DBF4: variants seen among roughly 807,000 people sequenced by gnomAD.
DBF4 encodes protein DBF4 homolog A.
Under a neutral mutation model 76.6 loss-of-function variants are expected in DBF4, and 25 were observed. The observed-to-expected ratio is 0.33, with a 90% confidence interval of 0.24 to 0.46. The LOEUF is 0.46. Ranked by LOEUF, DBF4 falls within the 20% of genes least tolerant of loss-of-function variation. The probability of loss-of-function intolerance (pLI) is 1.00; values close to 1 mark genes in which losing one functional copy is unlikely to be tolerated. For synonymous variants in DBF4, 213 were observed against 258.0 expected (o/e 0.83, Z 1.67); for missense variants, 638 against 760.8 (o/e 0.84, Z 1.90).
At chr7:87,900,185 A>G (rs1452050248) in intron 8 of DBF4, 36 bp from the exon 9 acceptor site, 2 of 1,517,952 alleles carry the variant, frequency 1.3e-6, no homozygotes, top group East Asian at 4.6e-5. Flanking sequence ...CTTTAATCAT[A>G]AAGAATCTCA....
At chr7:87,900,142 T>C (rs1422299437) in intron 8 of DBF4, 79 bp from the exon 9 acceptor site, 3 of 1,212,242 alleles carry the variant, frequency 2.5e-6, no homozygotes, top group Non-Finnish European at 3.5e-6. Flanking sequence ...CTTAATTATA[T>C]GATTTTGAAA....
In DBF4 at chr7:87,904,321, TG is replaced by T; in HGVS notation, c.955del (p.Ala319HisfsTer16). The T allele has an allele frequency of 6.2e-7, 1 of 1,612,730 alleles. No individual in the cohort carries two copies. Among genetic ancestry groups the T allele is most frequent in the Non-Finnish European group, 8.5e-7 (1 of 1,179,658 alleles). On this transcript the variant is annotated frameshift_variant, in exon 11 of 12. Transcript: ENST00000265728. LOFTEE classifies it high-confidence loss of function. The stretch of plus-strand genomic sequence containing the variant: ...TTCTAAGTGAGCAACACAGAAACTT[TG>T]CACAGAGTAACCAGTATCAAGTTGT... Reference protein sequence around the residue: ...HLLSEQHRNFAQSNQYQVVDD... With the variant: ...HLLSEQHRNFXQSNQYQVVDD...
At chr7:87,896,108 T>C (rs1584365802) in intron 6 of DBF4, 1 of 214,026 alleles carries the variant, frequency 4.7e-6, no homozygotes, top group Non-Finnish European at 9.2e-6. Flanking sequence ...CTTTAACATA[T>C]TGAATCTTTG....
Position 87,877,650 on chromosome 7 carries a change from CAG to C in DBF4, c.47-400_47-399del, listed in dbSNP as rs983432834. On this transcript the variant is annotated intron_variant, in intron 1 of 11. Coordinates refer to ENST00000265728, the MANE Select transcript of DBF4 (RefSeq NM_006716.4). ...TTGAGGACTAGGTTATTCTGCGTAACAGAGGATTCTTTCATCGCTAAATGAAG... is the reference window on the plus strand; with the variant it reads ...TTGAGGACTAGGTTATTCTGCGTAACAGGATTCTTTCATCGCTAAATGAAG... 9.2e-5 allele frequency among the ~76,000 whole-genome samples: 14 copies of C among 152,332 alleles called. 1 individual carries two copies. Among genetic ancestry groups the C allele is most frequent in the African/African-American group, 3.1e-4 (13 of 41,568 alleles).
chr7:87,879,966 A>G (rs1026561576), intron 2 of DBF4, among the ~76,000 whole-genome samples: 1 of 151,896 alleles, frequency 6.6e-6, no homozygotes, highest in African/African-American at 2.4e-5. Context: ...AAAAAAAAAA[A>G]AGGTAGCTCA....
At chr7:87,877,696 A>G (rs923037556) in intron 1 of DBF4, among the ~76,000 whole-genome samples, 11 of 152,226 alleles carry the variant, frequency 7.2e-5, no homozygotes, top group Non-Finnish European at 1.6e-4. Context: ...CCAGTTTTGA[A>G]TGTTCAGCAG....
chr7:87,895,854 G>T (rs1839623838), intron 6 of DBF4, among the ~76,000 whole-genome samples: 1 of 152,174 alleles, frequency 6.6e-6, no homozygotes, highest in Non-Finnish European at 1.5e-5. Context: ...TGGGAGAAAA[G>T]AAAATAATAC....
At chr7:87,878,275 CT>C in intron 2 of DBF4, 50 bp downstream of exon 2, 1 of 1,397,348 alleles carries the variant, frequency 7.2e-7, no homozygotes, top group East Asian at 2.4e-5. Context: ...GTAACTAGTA[CT>C]TTCTACTGTG....
intron 6 of DBF4, among the ~76,000 whole-genome samples, chr7:87,889,277 A>ATTT (rs35766740): frequency 2.1e-5 from 3 of 139,752 alleles, no homozygotes; most frequent in African/African-American, 5.3e-5. Context: ...CTCTTGAACA[A>ATTT]TTTTTTTTTT....
Position 87,876,607 on chromosome 7 carries a change from A to T in DBF4, c.-126A>T. The T allele has an allele frequency of 1.9e-6, 2 of 1,070,660 alleles. No individual in the cohort carries two copies. The highest frequency in any genetic ancestry group is 1.6e-5 in the African/African-American group (1 of 64,336). 66.3% of individuals were successfully genotyped at this position (1,070,660 alleles called of 1,614,324 possible). ...TGCAGACGCGGTACCTCTACTGCGT[A>T]GAGGCCGTAGCTGGCGGAAGGAGAG... On this transcript the variant is annotated 5_prime_UTR_variant, in exon 1 of 12. Coordinates refer to ENST00000265728, the MANE Select transcript of DBF4 (RefSeq NM_006716.4).
chr7:87,904,532 G>A, intron 11 of DBF4, 116 bp downstream of exon 11: 1 of 1,258,500 alleles, frequency 7.9e-7, no homozygotes, highest in East Asian at 3.1e-5. Context: ...TTGAGGTCAG[G>A]AGTTCGAGAC....
chr7:87,886,895 G>A lies in DBF4; in HGVS notation c.450+1G>A, dbSNP rs1584357084. On this transcript the variant is annotated splice_donor_variant, in intron 4 of 11. Transcript: ENST00000265728. LOFTEE classifies it high-confidence loss of function. Reference sequence around the variant, plus strand: ...AGTTGAAAAAGCTATCAAGGACCATGTAAGTAGGAACTATAAAGATTCACA... The same window carrying A: ...AGTTGAAAAAGCTATCAAGGACCATATAAGTAGGAACTATAAAGATTCACA... 1.3e-6 allele frequency: 2 copies of A among 1,543,082 alleles called. No homozygotes were observed. Among genetic ancestry groups the A allele is most frequent in the Admixed American group, 1.8e-5 (1 of 54,374 alleles).
At chr7:87,884,389 T>C (rs1203597558) in intron 2 of DBF4, among the ~76,000 whole-genome samples, 1 of 152,166 alleles carries the variant, frequency 6.6e-6, no homozygotes, top group Non-Finnish European at 1.5e-5. Context: ...AGTGGCTTAA[T>C]CACACTACCA....
intron 5 of DBF4, 78 bp downstream of exon 5, chr7:87,887,476 A>T (rs905670544): frequency 6.9e-7 from 1 of 1,438,986 alleles, no homozygotes; most frequent in African/African-American, 1.4e-5. Context: ...GACTTTACAT[A>T]GTGAAATTTT....
intron 2 of DBF4, 46 bp from the exon 3 acceptor site, chr7:87,884,933 T>G: frequency 6.9e-7 from 1 of 1,458,762 alleles, no homozygotes; most frequent in South Asian, 1.3e-5. Flanking sequence ...TGAGACCGTG[T>G]TTCTTAAAAC....
At position 87,900,365 on chromosome 7, in the gene DBF4, T is replaced by G; in HGVS notation, c.809+16T>G. 5 of 1,578,696 alleles carry G rather than the reference T, an allele frequency of 3.2e-6. No individual in the cohort carries two copies. The highest frequency in any genetic ancestry group is 4.3e-6 in the Non-Finnish European group (5 of 1,170,312). On this transcript the variant is annotated intron_variant, in intron 9 of 11. Coordinates refer to ENST00000265728, the MANE Select transcript of DBF4 (RefSeq NM_006716.4). ...TTAAACTAAGGTTGGTTTGAATCTT[T>G]ACTTTTAGAAGGAATATTCAGAATT...
chr7:87,878,437 T>A, intron 2 of DBF4: 1 of 464,424 alleles, frequency 2.2e-6, no homozygotes, highest in Non-Finnish European at 3.8e-6. Flanking sequence ...CAGTCTAGTG[T>A]AAAGTTCTTA....
At chr7:87,885,434 G>A (rs956686960) in intron 3 of DBF4, among the ~76,000 whole-genome samples, 4 of 152,342 alleles carry the variant, frequency 2.6e-5, no homozygotes, top group African/African-American at 9.6e-5. Context: ...AAAGTTAAGA[G>A]CAGATCATTC....
chr7:87,894,356 A>T (rs961454526), intron 6 of DBF4, among the ~76,000 whole-genome samples: 2 of 152,158 alleles, frequency 1.3e-5, no homozygotes, highest in African/African-American at 4.8e-5. Flanking sequence ...CCTGCTTAGG[A>T]GGCTGAGGTG....
Sources: gnomAD v4.1 joint callset for allele counts (sites outside exome capture counted in the v4.1 genomes callset) on GRCh38, gnomAD v4.1.1 for gene constraint, MANE v1.5 for transcripts, NCBI Gene and HGNC (gene_info 2026-07-23, HGNC 2026-07-21) for gene names.